The following UPF2 variants were observed in gnomAD, a reference collection of about 807,000 sequenced individuals.
The protein encoded by UPF2 is regulator of nonsense transcripts 2.
UPF2 carries 17 observed loss-of-function variants against 141.4 expected under a neutral mutation model. The ratio of observed to expected loss-of-function variants is 0.12; its 90% CI spans 0.08 to 0.18. UPF2 has a LOEUF of 0.18. Ranked by LOEUF, UPF2 falls within the 10% of genes least tolerant of loss-of-function variation. UPF2 has a pLI of 1.00. For synonymous variants in UPF2, 540 were observed against 498.0 expected (o/e 1.08, Z -1.12); for missense variants, 1,152 against 1,515.9 (o/e 0.76, Z 3.99).
In UPF2 at chr10:11,940,556, C is replaced by T. The variant is rs1479644292; in HGVS notation, c.3378+2109G>A. 1.3e-5 allele frequency among the ~76,000 whole-genome samples: 2 copies of T among 151,988 alleles called. No individual in the cohort carries two copies. Among genetic ancestry groups the T allele is most frequent in the East Asian group, 3.8e-4 (2 of 5,200 alleles). ...CTTTTGCTCATTGGTCCCTTGTTTC[C>T]TGTCCCAGAGATTAGCCAGTGGCCC... On this transcript the variant is annotated intron_variant, in intron 18 of 21. Coordinates refer to ENST00000357604, the MANE Select transcript of UPF2 (RefSeq NM_015542.4). The surrounding 1 kb of genome is among the most constrained non-coding windows in gnomAD (Gnocchi z 4.2).
chr10:12,002,179 G>A (rs566841630), intron 5 of UPF2, among the ~76,000 whole-genome samples: 80 of 152,314 alleles, frequency 5.3e-4, no homozygotes, highest in African/African-American at 1.7e-3. Flanking sequence ...GCTGAGGCAG[G>A]AGAATTGCTT....
intron 3 of UPF2, among the ~76,000 whole-genome samples, chr10:12,024,018 T>C (rs1383838944): frequency 6.6e-6 from 1 of 151,970 alleles, no homozygotes; most frequent in African/African-American, 2.4e-5. Context: ...ATAAAAGATA[T>C]TGAATAAAAT....
intron 1 of UPF2, among the ~76,000 whole-genome samples, chr10:12,040,941 C>T (rs908405537): frequency 6.6e-6 from 1 of 152,118 alleles, no homozygotes; most frequent in Non-Finnish European, 1.5e-5. Flanking sequence ...CTACTTCTAT[C>T]CTCAATTTTT....
chr10:12,011,425 C>T (rs1296257447), intron 4 of UPF2, among the ~76,000 whole-genome samples: 1 of 151,780 alleles, frequency 6.6e-6, no homozygotes, highest in Non-Finnish European at 1.5e-5. Context: ...TGGTGAAACC[C>T]CATCTCTACT....
At chr10:11,938,857 T>TTTTTTG (rs1832892258) in intron 18 of UPF2, among the ~76,000 whole-genome samples, 1 of 68,278 alleles carries the variant, frequency 1.5e-5, no homozygotes, top group African/African-American at 6.2e-5. Context: ...TTTTTTGTTT[T>TTTTTTG]TTTTTTTTTT....
At chr10:11,934,639 G>C (rs554420228) in intron 19 of UPF2, among the ~76,000 whole-genome samples, 23 of 152,302 alleles carry the variant, frequency 1.5e-4, no homozygotes, top group Admixed American at 3.3e-4. Context: ...GCCCAGGCTG[G>C]AGTACAATGG....
Position 11,935,161 on chromosome 10 carries a change from C to T in UPF2, c.3546+1384G>A, listed in dbSNP as rs959490304. On this transcript the variant is annotated intron_variant, in intron 19 of 21. Coordinates refer to ENST00000357604, the MANE Select transcript of UPF2 (RefSeq NM_015542.4). This position sits in a 1 kb window ranked among gnomAD's most constrained non-coding sequence, Gnocchi z 4.9. The stretch of plus-strand genomic sequence containing the variant: ...CTGATCATCCTACCTAAGAGGCAGC[C>T]TCCCTCTCCTGGCATCTCACCATCC... Among the ~76,000 whole-genome samples the T allele has an allele frequency of 2.6e-5, 4 of 152,014 alleles. No individual in the cohort carries two copies. The highest frequency in any genetic ancestry group is 1.5e-5 in the Non-Finnish European group (1 of 68,006).
At chr10:11,943,484 A>G (rs1004827139) in intron 16 of UPF2, among the ~76,000 whole-genome samples, 1 of 152,154 alleles carries the variant, frequency 6.6e-6, no homozygotes, top group African/African-American at 2.4e-5. Flanking sequence ...AAATCTGGAG[A>G]GGCTGAATGT....
At position 11,938,850 on chromosome 10, in the gene UPF2, TTTG is replaced by T. The variant is rs1178894772; in HGVS notation, c.3379-2141_3379-2139del. 2.4e-3 allele frequency among the ~76,000 whole-genome samples: 290 copies of T among 118,520 alleles called. 15 individuals are homozygous for T. The highest frequency in any genetic ancestry group is 8.2e-3 in the East Asian group (27 of 3,286). The allele number at this position is 118,520 out of a possible 152,430, so 77.8% of individuals were successfully genotyped here. A position where few individuals can be genotyped will look rare whatever the true frequency, so the allele number is the denominator to read the frequency against. ...CATGTGGTCTTAAGCAAGTTTTTTT[TTTG>T]TTTTTTTTTTTTTTTTTTTTTTTTT... is the stretch of plus-strand genomic sequence containing the variant. On this transcript the variant is annotated intron_variant, in intron 18 of 21. Coordinates refer to ENST00000357604, the MANE Select transcript of UPF2 (RefSeq NM_015542.4).
intron 9 of UPF2, among the ~76,000 whole-genome samples, chr10:11,975,809 G>T (rs761969316): frequency 6.6e-6 from 1 of 152,042 alleles, no homozygotes; most frequent in Non-Finnish European, 1.5e-5. Context: ...GGGCCACCGC[G>T]CCCGGCCCTA....
Position 11,936,567 on chromosome 10 carries a change from G to C in UPF2, c.3524C>G (p.Thr1175Arg). 1.9e-6 allele frequency: 3 copies of C among 1,605,882 alleles called. No individual in the cohort carries two copies. The highest frequency in any genetic ancestry group is 2.5e-6 in the Non-Finnish European group (3 of 1,176,694). ...SADTMPFVML[T>R]RKGNKQQFKI... The stretch of plus-strand genomic sequence containing the variant: ...TACCTGCTGTTTATTGCCTTTTCTT[G>C]TTAACATGACAAACGGCATTGTGTC... The change falls in exon 19 of 22, where the codon ACA becomes AGA. Residue 1175 changes from threonine (T) to arginine (R), a missense_variant. This residue lies in a region of UPF2 where 202 missense variants were observed against 223.6 expected (regional missense o/e 0.90). Transcript: ENST00000357604. The surrounding 1 kb of genome is among the most constrained non-coding windows in gnomAD (Gnocchi z 6.6).
At chr10:11,954,515 T>C (rs1213813619) in intron 14 of UPF2, among the ~76,000 whole-genome samples, 2 of 151,350 alleles carry the variant, frequency 1.3e-5, no homozygotes, top group African/African-American at 2.4e-5. Context: ...ACACCTGTAA[T>C]CCCAGGTACT....
rs539645476 is a variant in UPF2, at chr10:12,016,459, G to C, written c.1146-2275C>G. Among the ~76,000 whole-genome samples, 1 of 152,176 alleles carries C rather than the reference G, an allele frequency of 6.6e-6. No homozygotes were observed. Among genetic ancestry groups the C allele is most frequent in the South Asian group, 2.1e-4 (1 of 4,832 alleles). ...GCCTGTAATCCCAGAACTTTGGAAG[G>C]CCGAGGTGGGAGGATCACAAGGTCA... On this transcript the variant is annotated intron_variant, in intron 3 of 21. Transcript: ENST00000357604. The surrounding 1 kb of genome is among the most constrained non-coding windows in gnomAD (Gnocchi z 4.1).
chr10:12,039,414 C>T (rs551750951), intron 1 of UPF2, among the ~76,000 whole-genome samples: 42 of 152,220 alleles, frequency 2.8e-4, no homozygotes, highest in Non-Finnish European at 4.3e-4. Flanking sequence ...ATGTTTTTAA[C>T]TTTTAGCAGA....
intron 9 of UPF2, among the ~76,000 whole-genome samples, chr10:11,976,802 T>C (rs1833512455): frequency 6.6e-6 from 1 of 152,176 alleles, no homozygotes; most frequent in Admixed American, 6.5e-5. Context: ...AATGGTGGTA[T>C]AGAAGGTATA....
chr10:11,962,741 T>C (rs1278818927), intron 11 of UPF2, among the ~76,000 whole-genome samples: 2 of 152,198 alleles, frequency 1.3e-5, no homozygotes, highest in Non-Finnish European at 1.5e-5. Flanking sequence ...CTCAAGCTCC[T>C]TAGCATGGCA....
intron 4 of UPF2, 61 bp downstream of exon 4, chr10:12,013,963 C>T: frequency 7.2e-7 from 1 of 1,393,080 alleles, no homozygotes. Flanking sequence ...TCTGATAAGC[C>T]TAAAGGTAAG....
At chr10:11,937,339 G>T (rs546444833) in intron 18 of UPF2, among the ~76,000 whole-genome samples, 1 of 152,294 alleles carries the variant, frequency 6.6e-6, no homozygotes, top group African/African-American at 2.4e-5. Context: ...TACACTCAAA[G>T]AGCTCATAAG....
chr10:11,983,403 C>T (rs190265065), intron 8 of UPF2, among the ~76,000 whole-genome samples: 12 of 152,064 alleles, frequency 7.9e-5, no homozygotes, highest in African/African-American at 2.4e-4. Context: ...GATGGAGTCT[C>T]GCTCTGCCGC....
Sources: allele counts gnomAD v4.1 joint callset (sites outside exome capture counted in the v4.1 genomes callset), GRCh38; gene constraint gnomAD v4.1.1; regional missense constraint gnomAD v4.1.1; non-coding constraint Gnocchi (gnomAD v3.1); transcripts MANE v1.5; gene names NCBI Gene and HGNC (gene_info 2026-07-23, HGNC 2026-07-21).